The following SLC71A2 variants were observed in gnomAD, a reference collection of about 807,000 sequenced individuals.
SLC71A2 encodes the protein solute carrier family 71 member 2.
At chr9:94,458,844 T>C in the SLC71A2 span, among the ~76,000 whole-genome samples, 2 of 152,204 alleles carry the variant, frequency 1.3e-5, no homozygotes, top group Non-Finnish European at 2.9e-5. Flanking sequence ...TATACAAAGC[T>C]GGAATTAATG....
the SLC71A2 span, among the ~76,000 whole-genome samples, chr9:94,412,535 A>G: frequency 3.3e-5 from 5 of 152,042 alleles, no homozygotes; most frequent in South Asian, 1.0e-3. Context: ...CAATGTTTAT[A>G]GCAGCATTAT....
At chr9:94,446,573 A>G in the SLC71A2 span, among the ~76,000 whole-genome samples, 2 of 152,234 alleles carry the variant, frequency 1.3e-5, no homozygotes, top group Non-Finnish European at 2.9e-5. Flanking sequence ...GTGTGTTAAC[A>G]AAGATGAGTA....
At chr9:94,446,827 T>C in the SLC71A2 span, 6 of 1,571,324 alleles carry the variant, frequency 3.8e-6, no homozygotes, top group African/African-American at 6.8e-5. Context: ...TCTCAGTCGT[T>C]GAAGAAAGTT....
At chr9:94,420,646 A>G in the SLC71A2 span, among the ~76,000 whole-genome samples, 1 of 150,490 alleles carries the variant, frequency 6.6e-6, no homozygotes. Context: ...CATGCCTGTA[A>G]TCTCAGTACT....
chr9:94,457,376 T>C, the SLC71A2 span, among the ~76,000 whole-genome samples: 1 of 137,060 alleles, frequency 7.3e-6, no homozygotes, highest in African/African-American at 2.8e-5. Flanking sequence ...GGGAGAAAAA[T>C]TTTTTAATGC....
chr9:94,411,656 T>C, the SLC71A2 span, among the ~76,000 whole-genome samples: 2 of 151,704 alleles, frequency 1.3e-5, no homozygotes, highest in Non-Finnish European at 2.9e-5. Context: ...AATGGCGTGA[T>C]CTTGGCTCAC....
chr9:94,387,760 A>G, the SLC71A2 span, among the ~76,000 whole-genome samples: 196 of 152,274 alleles, frequency 1.3e-3, 2 homozygotes, highest in Non-Finnish European at 1.6e-4. Context: ...TTGTCTGAGC[A>G]TTGTTTTTTG....
chr9:94,445,006 A>G, the SLC71A2 span: 3 of 1,614,106 alleles, frequency 1.9e-6, no homozygotes, highest in Non-Finnish European at 2.5e-6. Flanking sequence ...CAGCCCGGCC[A>G]TTGGAGCATA....
the SLC71A2 span, among the ~76,000 whole-genome samples, chr9:94,392,128 T>C: frequency 6.6e-6 from 1 of 151,032 alleles, no homozygotes; most frequent in African/African-American, 2.4e-5. Flanking sequence ...GTTATTTGTA[T>C]CAAAGTTGTA....
At chr9:94,455,366 G>C in the SLC71A2 span, among the ~76,000 whole-genome samples, 1 of 131,308 alleles carries the variant, frequency 7.6e-6, no homozygotes, top group East Asian at 2.1e-4. Flanking sequence ...ACCATGCCTG[G>C]CTAATATTCT....
the SLC71A2 span, among the ~76,000 whole-genome samples, chr9:94,447,481 G>GTTT: frequency 1.0e-5 from 1 of 98,376 alleles, no homozygotes; most frequent in Non-Finnish European, 2.5e-5. Flanking sequence ...TGCCCAGCCT[G>GTTT]TTTTTTTTTT....
chr9:94,446,815 A>G, the SLC71A2 span: 8 of 1,476,338 alleles, frequency 5.4e-6, no homozygotes, highest in East Asian at 1.8e-4. Context: ...CTTTCTGCTT[A>G]TTCTCAGTCG....
the SLC71A2 span, among the ~76,000 whole-genome samples, chr9:94,448,704 C>T: frequency 6.6e-6 from 1 of 152,206 alleles, no homozygotes; most frequent in African/African-American, 2.4e-5. Flanking sequence ...GTGATCTTGG[C>T]TCGCTGCAGC....
chr9:94,452,660 TATATATTC>T, the SLC71A2 span, among the ~76,000 whole-genome samples: 9 of 55,632 alleles, frequency 1.6e-4, no homozygotes, highest in African/African-American at 4.2e-4. Flanking sequence ...TATATATTCA[TATATATTC>T]ATATATATTC....
chr9:94,445,336 AG>A, the SLC71A2 span, among the ~76,000 whole-genome samples: 17 of 152,210 alleles, frequency 1.1e-4, no homozygotes, highest in Non-Finnish European at 1.6e-4. Context: ...GGATTGAGTT[AG>A]TCTTTGTATT....
chr9:94,426,355 C>A, the SLC71A2 span, among the ~76,000 whole-genome samples: 1 of 152,052 alleles, frequency 6.6e-6, no homozygotes, highest in African/African-American at 2.4e-5. Context: ...AGTACCCTTT[C>A]ATTTATGGCT....
At chr9:94,442,226 G>A in the SLC71A2 span, among the ~76,000 whole-genome samples, 1 of 152,184 alleles carries the variant, frequency 6.6e-6, no homozygotes, top group Non-Finnish European at 1.5e-5. Flanking sequence ...AGTAGAGTAA[G>A]TTCTCATTCA....
At chr9:94,422,592 G>A in the SLC71A2 span, among the ~76,000 whole-genome samples, 1 of 152,110 alleles carries the variant, frequency 6.6e-6, no homozygotes, top group Non-Finnish European at 1.5e-5. Flanking sequence ...TTTCCAGAGT[G>A]GGTGAACAAT....
At chr9:94,456,349 G>GC in the SLC71A2 span, 2 of 1,606,212 alleles carry the variant, frequency 1.2e-6, no homozygotes, top group Non-Finnish European at 1.7e-6. Flanking sequence ...TGAGGTCACT[G>GC]CCCCCCACTT....
Sources: gnomAD v4.1 joint callset for allele counts (sites outside exome capture counted in the v4.1 genomes callset) on GRCh38, gnomAD v4.1.1 for gene constraint, MANE v1.5 for transcripts, NCBI Gene and HGNC (gene_info 2026-07-23, HGNC 2026-07-21) for gene names.